DTHD1: variants seen among roughly 807,000 people sequenced by gnomAD.
The protein encoded by DTHD1 is death domain-containing protein 1.
In DTHD1, 59 loss-of-function variants were observed where a neutral mutation model predicts 74.8. That is an observed-to-expected ratio of 0.79 (90% confidence interval 0.64 to 0.98). The LOEUF (loss-of-function observed/expected upper bound fraction) is 0.98, where lower values mean the gene tolerates loss of function less well. DTHD1 is among the 50% of genes least tolerant of loss of function. DTHD1 has a pLI of 0.00. For missense variants in DTHD1, 1,051 were observed against 1,065.4 expected (o/e 0.99, Z 0.19); for synonymous variants, 365 against 371.1 (o/e 0.98, Z 0.19).
intron 9 of DTHD1, among the ~76,000 whole-genome samples, 156 bp downstream of exon 9, chr4:36,339,325 G>A (rs1350517286): frequency 6.6e-6 from 1 of 152,134 alleles, no homozygotes; most frequent in Non-Finnish European, 1.5e-5. Flanking sequence ...TTTCCTGGGA[G>A]GTCATATACA....
chr4:36,284,003 T>C lies in DTHD1; in HGVS notation c.299T>C (p.Ile100Thr). 1 of 1,536,658 alleles carries C rather than the reference T, an allele frequency of 6.5e-7. No homozygotes were observed. The highest frequency in any genetic ancestry group is 8.7e-7 in the Non-Finnish European group (1 of 1,146,712). The change falls in exon 2 of 10, where the codon ATA becomes ACA. Residue 100 changes from isoleucine (I) to threonine (T), a missense_variant. Transcript: ENST00000639862. ...ATCATTACTTTCATAGACTGCCTCA[T>C]AAAAATAACTGAACATTTGGGGAGC... ...KEIITFIDCL[I>T]KITEHLGSTA... is the part of the protein sequence containing the mutation.
At chr4:36,318,775 C>T (rs1196016414) in intron 8 of DTHD1, among the ~76,000 whole-genome samples, 3 of 152,042 alleles carry the variant, frequency 2.0e-5, no homozygotes, top group Non-Finnish European at 4.4e-5. Flanking sequence ...CCACCACGCC[C>T]AGCTAATTTT....
intron 5 of DTHD1, among the ~76,000 whole-genome samples, chr4:36,300,333 A>C (rs996729158): frequency 6.6e-6 from 1 of 152,070 alleles, no homozygotes; most frequent in African/African-American, 2.4e-5. Context: ...TCTCAAGTTC[A>C]CCTTTCCCAC....
Position 36,283,990 on chromosome 4 carries a change from A to G in DTHD1, c.286A>G (p.Ile96Val). 1 of 1,534,380 alleles carries G rather than the reference A, an allele frequency of 6.5e-7. No individual in the cohort carries two copies. The highest frequency in any genetic ancestry group is 8.7e-7 in the Non-Finnish European group (1 of 1,144,904). The change falls in exon 2 of 10, where the codon ATA (isoleucine) becomes GTA (valine). Residue 96 changes from isoleucine (I) to valine (V), a missense_variant. Physicochemically the swap from Ile to Val is conservative, Grantham distance 29 (BLOSUM62 3). Coordinates refer to ENST00000639862, the MANE Select transcript of DTHD1 (RefSeq NM_001170700.3). ...TGTGTGTGTAGAAATCATTACTTTC[A>G]TAGACTGCCTCATAAAAATAACTGA... ...CVSRKEIITF[I>V]DCLIKITEHL... is the part of the protein sequence containing the mutation.
intron 2 of DTHD1, among the ~76,000 whole-genome samples, chr4:36,288,368 G>C (rs1198363955): frequency 6.6e-6 from 1 of 152,224 alleles, no homozygotes; most frequent in Non-Finnish European, 1.5e-5. Flanking sequence ...AAAGTGCTGA[G>C]ATTACAGGCG....
intron 8 of DTHD1, among the ~76,000 whole-genome samples, chr4:36,319,849 TTC>T (rs760581845): frequency 2.0e-5 from 3 of 152,242 alleles, no homozygotes; most frequent in African/African-American, 4.8e-5. Flanking sequence ...CGTCAGCTTC[TTC>T]TCTGTTTTGC....
chr4:36,304,415 C>A lies in DTHD1; in HGVS notation c.1644-1776C>A, dbSNP rs149841865. 1.2e-4 allele frequency among the ~76,000 whole-genome samples: 18 copies of A among 152,286 alleles called. No individual in the cohort carries two copies. In the East Asian group the frequency reaches 3.3e-3, roughly 28 times the overall value. On this transcript the variant is annotated intron_variant, in intron 5 of 9. Transcript: ENST00000639862. The stretch of plus-strand genomic sequence containing the variant: ...TAATCTAGCTGATCTCCTGAAGTAA[C>A]CAATACAGAGTAAGAAGTTTTCAGA...
At chr4:36,343,407 G>T in intron 9 of DTHD1, 95 bp from the exon 10 acceptor site, 1 of 1,206,762 alleles carries the variant, frequency 8.3e-7, no homozygotes, top group East Asian at 2.6e-5. Flanking sequence ...AAACAAAAGA[G>T]CAGGGAGACT....
intron 2 of DTHD1, among the ~76,000 whole-genome samples, chr4:36,287,029 A>T (rs1223934625): frequency 4.6e-5 from 7 of 152,040 alleles, no homozygotes; most frequent in Non-Finnish European, 1.0e-4. Flanking sequence ...GTTTGGTTAC[A>T]CGAATAAGTT....
chr4:36,299,917 C>T (rs934318524), intron 5 of DTHD1, among the ~76,000 whole-genome samples: 1 of 152,078 alleles, frequency 6.6e-6, no homozygotes, highest in Non-Finnish European at 1.5e-5. Context: ...CTGCAGTGAG[C>T]TGAGATCATG....
rs574929717 is a variant in DTHD1, at chr4:36,339,905, C to T, written c.2398+736C>T. 1.1e-4 allele frequency among the ~76,000 whole-genome samples: 16 copies of T among 152,226 alleles called. No individual in the cohort carries two copies. The East Asian group carries it at 1.4e-3, about 13-fold the overall frequency. On this transcript the variant is annotated intron_variant, in intron 9 of 9. Coordinates refer to ENST00000639862, the MANE Select transcript of DTHD1 (RefSeq NM_001170700.3). ...ATAAACCCTTTCAGGGATAAATAAA[C>T]GGTGTTTAAAAAGAGAGCAGATGAT...
chr4:36,333,674 C>G (rs77242015), intron 8 of DTHD1: 8,150 of 152,264 alleles, frequency 0.054, 276 homozygotes, highest in South Asian at 0.15. Context: ...GTCATCTGGA[C>G]CTATATGGCA....
chr4:36,320,948 C>A (rs1185386770), intron 8 of DTHD1, among the ~76,000 whole-genome samples: 1 of 152,120 alleles, frequency 6.6e-6, no homozygotes, highest in Admixed American at 6.5e-5. Flanking sequence ...ATATATGTAT[C>A]TAGGCATAGA....
Position 36,298,841 on chromosome 4 carries a change from G to C in DTHD1, c.1643+3802G>C, listed in dbSNP as rs1214232744. 5.9e-5 allele frequency among the ~76,000 whole-genome samples: 9 copies of C among 152,176 alleles called. No homozygotes were observed. In the South Asian group the frequency reaches 1.9e-3, roughly 32 times the overall value. Reference sequence around the variant, plus strand: ...ATTTTAGAGAGTTAGACAGGAAAATGGTTTTTGCCCATGAAAAATGACATT... The same window carrying C: ...ATTTTAGAGAGTTAGACAGGAAAATCGTTTTTGCCCATGAAAAATGACATT... On this transcript the variant is annotated intron_variant, in intron 5 of 9. Coordinates refer to ENST00000639862, the MANE Select transcript of DTHD1 (RefSeq NM_001170700.3).
chr4:36,290,579 C>G lies in DTHD1; in HGVS notation c.1094C>G (p.Ala365Gly). 1 of 1,551,446 alleles carries G rather than the reference C, an allele frequency of 6.4e-7. No individual in the cohort carries two copies. Among genetic ancestry groups the G allele is most frequent in the South Asian group, 1.2e-5 (1 of 84,058 alleles). ...AGAGTTCCATTTCCAATAGGCATTG[C>G]AATTCCATTTACTGCACGTTACAGA... ...EKRVPFPIGI[A>G]IPFTARYRGN... The change falls in exon 3 of 10, where the codon GCA becomes GGA. Residue 365 changes from alanine (A) to glycine (G), a missense_variant. Transcript: ENST00000639862.
chr4:36,293,803 CA>C (rs1756231366), intron 4 of DTHD1, 98 bp downstream of exon 4: 2 of 1,047,546 alleles, frequency 1.9e-6, no homozygotes, highest in African/African-American at 1.6e-5. Flanking sequence ...TTTAATATAA[CA>C]AAAAATGGAT....
intron 5 of DTHD1, among the ~76,000 whole-genome samples, chr4:36,305,830 A>G (rs1284247183): frequency 6.6e-6 from 1 of 152,146 alleles, no homozygotes; most frequent in Non-Finnish European, 1.5e-5. Flanking sequence ...ACTCTCTTAA[A>G]TCTATTTTGC....
intron 6 of DTHD1, among the ~76,000 whole-genome samples, chr4:36,307,686 A>C (rs563122541): frequency 1.8e-4 from 28 of 152,324 alleles, no homozygotes; most frequent in African/African-American, 6.0e-4. Context: ...TACATTCTGC[A>C]TCCTATGGAG....
chr4:36,285,721 A>T (rs557286367), intron 2 of DTHD1, among the ~76,000 whole-genome samples: 3 of 152,132 alleles, frequency 2.0e-5, no homozygotes, highest in African/African-American at 7.2e-5. Flanking sequence ...TAATTCTGTG[A>T]CCCTGGGCAA....
Sources: gnomAD v4.1 joint callset for allele counts (sites outside exome capture counted in the v4.1 genomes callset) on GRCh38, gnomAD v4.1.1 for gene constraint, MANE v1.5 for transcripts, NCBI Gene and HGNC (gene_info 2026-07-23, HGNC 2026-07-21) for gene names.